The following PIGN variants were observed in gnomAD, a reference collection of about 807,000 sequenced individuals.
PIGN encodes the protein phosphatidylinositol glycan anchor biosynthesis class N.
PIGN carries 117 observed loss-of-function variants against 125.4 expected under a neutral mutation model. That is an observed-to-expected ratio of 0.93 (90% CI 0.80 to 1.09). PIGN has a LOEUF of 1.09. PIGN is among the 50% of genes least tolerant of loss of function. The pLI is 0.00. For missense variants in PIGN, 1,075 were observed against 1,094.9 expected, an observed-to-expected ratio of 0.98 and a Z score of 0.26; for synonymous variants, 392 against 377.8, an observed-to-expected ratio of 1.04 and a Z score of -0.44.
At chr18:62,034,980 C>A (rs1172020460) in intron 23 of PIGN, among the ~76,000 whole-genome samples, 1 of 152,112 alleles carries the variant, frequency 6.6e-6, no homozygotes, top group Non-Finnish European at 1.5e-5. Flanking sequence ...TTGTAATAAT[C>A]CCCACTTGTC....
chr18:62,072,766 T>A, intron 29 of PIGN, 41 bp from the exon 30 acceptor site: 1 of 1,460,078 alleles, frequency 6.8e-7, no homozygotes, highest in Non-Finnish European at 9.3e-7. Context: ...ACAAAGCTAT[T>A]TAGATTCAGT....
intron 22 of PIGN, among the ~76,000 whole-genome samples, chr18:62,099,207 A>G (rs529886238): frequency 3.8e-4 from 58 of 152,238 alleles, no homozygotes; most frequent in Admixed American, 8.5e-4. Flanking sequence ...AACTAATCTT[A>G]AAACACAGTG....
chr18:62,081,551 T>C (rs754482456), intron 28 of PIGN, among the ~76,000 whole-genome samples: 4 of 152,150 alleles, frequency 2.6e-5, no homozygotes, highest in South Asian at 2.1e-4. Context: ...AGTTTCCAGA[T>C]AGCATTACTA....
chr18:62,146,479 G>C (rs1217649844), intron 9 of PIGN, among the ~76,000 whole-genome samples: 1 of 152,146 alleles, frequency 6.6e-6, no homozygotes, highest in Non-Finnish European at 1.5e-5. Context: ...AGAGCCAAAA[G>C]AAGTCCTTTA....
intron 28 of PIGN, among the ~76,000 whole-genome samples, chr18:62,077,490 T>C (rs1429906622): frequency 1.3e-5 from 2 of 152,228 alleles, no homozygotes; most frequent in Non-Finnish European, 2.9e-5. Flanking sequence ...TATTACTGTG[T>C]GACACAGATG....
chr18:62,070,454 T>A (rs1311021927), intron 30 of PIGN: 2 of 392,280 alleles, frequency 5.1e-6, no homozygotes, highest in Non-Finnish European at 9.0e-6. Context: ...CACAGTCTAT[T>A]GGGAGAGGCA....
intron 30 of PIGN, among the ~76,000 whole-genome samples, chr18:62,046,600 C>G (rs1185888017): frequency 2.0e-5 from 3 of 151,400 alleles, no homozygotes; most frequent in Non-Finnish European, 4.4e-5. Flanking sequence ...GAAAAATTGT[C>G]TTCCATGAAA....
chr18:62,105,485 G>A (rs1026347253), intron 20 of PIGN, 58 bp downstream of exon 20: 3 of 959,516 alleles, frequency 3.1e-6, no homozygotes, highest in Admixed American at 4.2e-5. Context: ...ATTTTACAGT[G>A]TTAATTGAGG....
chr18:62,033,496 A>C (rs73448640), intron 23 of PIGN, among the ~76,000 whole-genome samples: 277 of 152,356 alleles, frequency 1.8e-3, no homozygotes, highest in East Asian at 6.0e-3. Flanking sequence ...TGTTTAGTTC[A>C]GTGCCTTACA....
chr18:62,054,121 A>G (rs1335632495), intron 30 of PIGN, among the ~76,000 whole-genome samples: 3 of 152,218 alleles, frequency 2.0e-5, no homozygotes. Context: ...AAGCAGACCC[A>G]TGCAAATCTG....
intron 1 of PIGN, among the ~76,000 whole-genome samples, chr18:62,178,030 G>A (rs2037586631): frequency 6.6e-6 from 1 of 151,996 alleles, no homozygotes; most frequent in South Asian, 2.1e-4. Context: ...TTTTGCGGGG[G>A]ATAAAGATGG....
intron 27 of PIGN, among the ~76,000 whole-genome samples, chr18:62,083,134 G>A (rs1235750856): frequency 6.6e-6 from 1 of 151,906 alleles, no homozygotes; most frequent in Non-Finnish European, 1.5e-5. Flanking sequence ...TTGATTCACA[G>A]ATCCTTAAAC....
rs1305348336 is a variant in PIGN, at chr18:62,041,684, T to C, written c.*4172A>G. The C allele has an allele frequency of 3.3e-5, 5 of 150,560 alleles. No homozygotes were observed. Among genetic ancestry groups the C allele is most frequent in the Non-Finnish European group, 7.3e-5 (5 of 68,800 alleles). The allele number at this position is 150,560 out of a possible 1,614,324, so 9.3% of individuals were successfully genotyped here. The stretch of plus-strand genomic sequence containing the variant: ...GTGTGTGTGTGTGTGTGTGTGTGTG[T>C]GTGTGTGTGTGTGTGTGTGTGTTTA... On this transcript the variant is annotated 3_prime_UTR_variant, in exon 31 of 31. Coordinates refer to ENST00000640252, the MANE Select transcript of PIGN (RefSeq NM_176787.5).
chr18:62,114,589 TA>T lies in PIGN; in HGVS notation c.1222del (p.Tyr408IlefsTer2). ...QFNILRKARS[Y>X]IKHRKFDEVV... is the part of the protein sequence containing the mutation. ...TTCATCAAACTTTCTGTGTTTTATA[TA>T]AGATCTTGCTTTTCTTAAAATGTTG... On this transcript the variant is annotated frameshift_variant, in exon 15 of 31. Transcript: ENST00000640252. LOFTEE classifies it high-confidence loss of function. 6.6e-7 allele frequency: 1 copy of T among 1,523,138 alleles called. No individual in the cohort carries two copies. Among genetic ancestry groups the T allele is most frequent in the East Asian group, 2.5e-5 (1 of 40,810 alleles). 94.4% of individuals were successfully genotyped at this position (1,523,138 alleles called of 1,614,324 possible).
intron 30 of PIGN, among the ~76,000 whole-genome samples, chr18:62,063,774 T>C (rs1313338926): frequency 1.3e-5 from 2 of 151,306 alleles, no homozygotes; most frequent in African/African-American, 2.4e-5. Flanking sequence ...TCGTGTACTT[T>C]GCAGGGACAT....
chr18:62,059,402 T>C (rs1432557797), intron 30 of PIGN, among the ~76,000 whole-genome samples: 3 of 152,032 alleles, frequency 2.0e-5, no homozygotes, highest in Non-Finnish European at 4.4e-5. Flanking sequence ...AAAAGATTAA[T>C]CTTTTATAAG....
rs1424325031 is a variant in PIGN at position 62,044,336 on chromosome 18, G to A, written c.*1520C>T. 1 of 152,134 alleles carries A rather than the reference G, an allele frequency of 6.6e-6. No homozygotes were observed. The highest frequency in any genetic ancestry group is 1.5e-5 in the Non-Finnish European group (1 of 68,022). The allele number at this position is 152,134 out of a possible 1,614,324, so 9.4% of individuals were successfully genotyped here. ...TCAGTGATAAGTGTTTATACAGTCA[G>A]TTTTTTCTGATGTGTGAAAAAAACT... On this transcript the variant is annotated 3_prime_UTR_variant, in exon 31 of 31. Transcript: ENST00000640252.
chr18:62,100,879 ATCTTG>A (rs974022165), intron 22 of PIGN, among the ~76,000 whole-genome samples, 191 bp downstream of exon 22: 7 of 152,214 alleles, frequency 4.6e-5, no homozygotes, highest in African/African-American at 1.4e-4. Context: ...CTATCAAATT[ATCTTG>A]TTAACACATG....
At chr18:62,109,792 T>C in intron 17 of PIGN, 42 bp downstream of exon 17, 4 of 1,555,188 alleles carry the variant, frequency 2.6e-6, no homozygotes, top group Non-Finnish European at 3.5e-6. Flanking sequence ...GATTTAACTG[T>C]CAATGAAGTG....
Sources: gnomAD v4.1 joint callset for allele counts (sites outside exome capture counted in the v4.1 genomes callset) on GRCh38, gnomAD v4.1.1 for gene constraint, MANE v1.5 for transcripts, NCBI Gene and HGNC (gene_info 2026-07-23, HGNC 2026-07-21) for gene names.